MTBP: variants seen among roughly 807,000 people sequenced by gnomAD.
MTBP encodes mdm2-binding protein.
A neutral mutation model predicts 117.0 loss-of-function variants in MTBP; 101 were observed. The ratio of observed to expected loss-of-function variants is 0.86; its 90% CI spans 0.73 to 1.02. MTBP has a LOEUF of 1.02. Ranked by LOEUF, MTBP falls within the 50% of genes least tolerant of loss-of-function variation. The pLI is 0.00. For synonymous variants in MTBP, 350 were observed against 351.5 expected (o/e 1.00, Z 0.05); for missense variants, 970 against 1,030.9 (o/e 0.94, Z 0.81).
chr8:120,448,210 A>G (rs1813267158), intron 2 of MTBP, among the ~76,000 whole-genome samples: 1 of 152,142 alleles, frequency 6.6e-6, no homozygotes, highest in Non-Finnish European at 1.5e-5. Context: ...GGGATTACAG[A>G]TGTGAGCCAC....
chr8:120,514,179 TA>T (rs1208983196), intron 17 of MTBP, among the ~76,000 whole-genome samples: 12 of 152,068 alleles, frequency 7.9e-5, no homozygotes, highest in Non-Finnish European at 1.3e-4. Flanking sequence ...CAAACTAACA[TA>T]ACCATCATCT....
intron 13 of MTBP, among the ~76,000 whole-genome samples, chr8:120,494,048 G>A (rs1201733698): frequency 6.6e-6 from 1 of 152,140 alleles, no homozygotes; most frequent in East Asian, 1.9e-4. Flanking sequence ...GTTATCTTGG[G>A]TCAGATTTGG....
intron 13 of MTBP, among the ~76,000 whole-genome samples, chr8:120,496,365 G>T (rs1426519612): frequency 1.4e-4 from 21 of 152,162 alleles, no homozygotes; most frequent in Admixed American, 1.4e-3. Flanking sequence ...AATGTCTGGA[G>T]ATTCTTTTGT....
At chr8:120,481,439 G>A (rs1814082808) in intron 11 of MTBP, among the ~76,000 whole-genome samples, 1 of 108,830 alleles carries the variant, frequency 9.2e-6, no homozygotes, top group Admixed American at 1.0e-4. Flanking sequence ...ATCATCTGGT[G>A]AAGAGATCAT....
At chr8:120,507,644 G>A (rs548310026) in intron 16 of MTBP, among the ~76,000 whole-genome samples, 1 of 152,116 alleles carries the variant, frequency 6.6e-6, no homozygotes, top group South Asian at 2.1e-4. Context: ...ATTTTGCAAA[G>A]GAGTTATTTG....
At chr8:120,522,829 A>G (rs764172973) in intron 21 of MTBP, 110 bp downstream of exon 21, 5 of 753,166 alleles carry the variant, frequency 6.6e-6, no homozygotes, top group African/African-American at 1.8e-5. Context: ...GTCTTTTTCA[A>G]CTCTGTCCCT....
intron 13 of MTBP, among the ~76,000 whole-genome samples, chr8:120,496,064 C>G (rs1814447320): frequency 6.6e-6 from 1 of 152,102 alleles, no homozygotes. Context: ...CTTTTTAGAT[C>G]TATGGCCAAG....
chr8:120,492,519 G>T (rs1409200354), intron 13 of MTBP, among the ~76,000 whole-genome samples: 2 of 152,058 alleles, frequency 1.3e-5, no homozygotes, highest in Non-Finnish European at 2.9e-5. Context: ...AAAAATAGTG[G>T]TTCAATATCC....
At chr8:120,461,346 A>G in intron 9 of MTBP, 91 bp downstream of exon 9, 1 of 870,876 alleles carries the variant, frequency 1.1e-6, no homozygotes, top group Non-Finnish European at 1.8e-6. Context: ...CATGTTAGGT[A>G]TATCTTTTTC....
chr8:120,503,903 C>T (rs900206264), intron 15 of MTBP, among the ~76,000 whole-genome samples: 16 of 152,094 alleles, frequency 1.1e-4, no homozygotes, highest in Non-Finnish European at 1.9e-4. Context: ...TGGCTTCAGT[C>T]GAGTGAGTGG....
At chr8:120,502,196 CA>C (rs1201640380) in intron 14 of MTBP, among the ~76,000 whole-genome samples, 3 of 152,090 alleles carry the variant, frequency 2.0e-5, no homozygotes, top group Non-Finnish European at 4.4e-5. Flanking sequence ...CCCAAAATAG[CA>C]AAGTTATGCT....
chr8:120,477,883 C>T (rs1228083008), intron 11 of MTBP, among the ~76,000 whole-genome samples: 1 of 152,132 alleles, frequency 6.6e-6, no homozygotes, highest in Non-Finnish European at 1.5e-5. Context: ...TACCATTTGA[C>T]CCAGCCATCC....
At chr8:120,480,880 A>T (rs1396111389) in intron 11 of MTBP, among the ~76,000 whole-genome samples, 1 of 152,224 alleles carries the variant, frequency 6.6e-6, no homozygotes, top group Non-Finnish European at 1.5e-5. Flanking sequence ...TTACTTTTTG[A>T]TAAACACTAT....
intron 12 of MTBP, 32 bp from the exon 13 acceptor site, chr8:120,490,431 A>C: frequency 7.2e-7 from 1 of 1,385,330 alleles, no homozygotes; most frequent in Non-Finnish European, 1.0e-6. Context: ...GGGCATCATT[A>C]ATGTTGACCT....
intron 9 of MTBP, among the ~76,000 whole-genome samples, chr8:120,463,159 A>G (rs1344282291): frequency 6.6e-6 from 1 of 152,196 alleles, no homozygotes; most frequent in Non-Finnish European, 1.5e-5. Flanking sequence ...GTAATTTATA[A>G]ACTTAAAAAA....
rs577030290 is a variant in MTBP at position 120,454,707 on chromosome 8, T to A, written c.485-728T>A. Among the ~76,000 whole-genome samples the A allele has an allele frequency of 6.0e-4, 91 of 152,132 alleles. 1 individual carries two copies. The highest frequency in any genetic ancestry group is 2.1e-3 in the African/African-American group (86 of 41,552). On this transcript the variant is annotated intron_variant, in intron 5 of 21. Coordinates refer to ENST00000305949, the MANE Select transcript of MTBP (RefSeq NM_022045.5). ...GTACAAAAAGCCCCACATAGAAAAA[T>A]AACTGAATGAGTTGACAAACGTATC...
chr8:120,472,566 G>A (rs1017446895), intron 11 of MTBP: 1 of 152,346 alleles, frequency 6.6e-6, no homozygotes, highest in African/African-American at 2.4e-5. Flanking sequence ...TGGGTTCAGT[G>A]GAGCTGGCTG....
At chr8:120,511,069 G>A (rs749543535) in intron 17 of MTBP, among the ~76,000 whole-genome samples, 1 of 151,922 alleles carries the variant, frequency 6.6e-6, no homozygotes, top group African/African-American at 2.4e-5. Context: ...ACAACAGATC[G>A]GCAACTCGGA....
chr8:120,503,896 C>T (rs1203713592), intron 15 of MTBP, among the ~76,000 whole-genome samples: 3 of 152,062 alleles, frequency 2.0e-5, no homozygotes, highest in African/African-American at 7.2e-5. Flanking sequence ...AGATTTCTGG[C>T]TTCAGTCGAG....
Sources: allele counts gnomAD v4.1 joint callset (sites outside exome capture counted in the v4.1 genomes callset), GRCh38; gene constraint gnomAD v4.1.1; transcripts MANE v1.5; gene names NCBI Gene and HGNC (gene_info 2026-07-23, HGNC 2026-07-21).